TMEM79: variants seen among roughly 807,000 people sequenced by gnomAD.
The protein encoded by TMEM79 is mattrin.
TMEM79 carries 30 observed loss-of-function variants against 31.2 expected under a neutral mutation model. The ratio of observed to expected loss-of-function variants is 0.96; its 90% CI spans 0.72 to 1.30. The LOEUF is 1.30. Ranked by LOEUF, TMEM79 falls within the 50% of genes most tolerant of loss-of-function variation. The pLI is 0.00. For synonymous variants in TMEM79, 213 were observed against 229.5 expected (o/e 0.93, Z 0.65); for missense variants, 509 against 528.2 (o/e 0.96, Z 0.36).
intron 1 of TMEM79, among the ~76,000 whole-genome samples, chr1:156,284,794 G>A (rs570652353): frequency 2.0e-5 from 3 of 152,306 alleles, no homozygotes; most frequent in African/African-American, 7.2e-5. Context: ...AAGATCCTCA[G>A]TGGGAAAGAA....
rs374038301 is a variant in TMEM79 at position 156,291,558 on chromosome 1, C to T, written c.1145C>T (p.Ala382Val). The change falls in exon 4 of 4, where the codon GCC becomes GTC. Residue 382 changes from alanine to valine, a missense_variant. Physicochemically the swap from Ala to Val is moderately conservative, Grantham distance 64. Coordinates refer to ENST00000405535, the MANE Select transcript of TMEM79 (RefSeq NM_032323.3). ...AGCCGCCTGGACTACCCGGACCACGCCCGCTCGGCCTCCGACTACAGGCCC... is the reference window on the plus strand; with the variant it reads ...AGCCGCCTGGACTACCCGGACCACGTCCGCTCGGCCTCCGACTACAGGCCC... ...TESRLDYPDH[A>V]RSASDYRPRP... The T allele has an allele frequency of 1.5e-4, 243 of 1,610,738 alleles. No homozygotes were observed. Among genetic ancestry groups the T allele is most frequent in the Non-Finnish European group, 2.0e-4 (234 of 1,180,008 alleles).
At position 156,285,999 on chromosome 1, in the gene TMEM79, G is replaced by C. The variant is rs756887670; in HGVS notation, c.757+16G>C. 1 of 1,586,870 alleles carries C rather than the reference G, an allele frequency of 6.3e-7. No homozygotes were observed. Among genetic ancestry groups the C allele is most frequent in the Admixed American group, 1.7e-5 (1 of 57,862 alleles). On this transcript the variant is annotated intron_variant, in intron 2 of 3. Coordinates refer to ENST00000405535, the MANE Select transcript of TMEM79 (RefSeq NM_032323.3). ...ATTGTGCTGGGTGAGCCTGTGAGAA[G>C]AAAGGGGGCATCGGGAAGTGGACTT...
intron 3 of TMEM79, among the ~76,000 whole-genome samples, chr1:156,288,335 T>A (rs1402510240): frequency 6.6e-6 from 1 of 151,800 alleles, no homozygotes; most frequent in East Asian, 1.9e-4. Context: ...TGTTACTTTT[T>A]TTTTCTTTTT....
In TMEM79 at chr1:156,285,362, T is replaced by G. The variant is rs1221131317; in HGVS notation, c.136T>G (p.Ser46Ala). 6.3e-7 allele frequency: 1 copy of G among 1,575,944 alleles called. No individual in the cohort carries two copies. The highest frequency in any genetic ancestry group is 8.6e-7 in the Non-Finnish European group (1 of 1,161,792). ...EGGAESPGAE[S>A]LRVGSSAGSP... ...TGGGGCCGAATCCCCGGGAGCTGAG[T>G]CCCTCAGAGTGGGGTCTTCAGCTGG... The change falls in exon 2 of 4, where the codon TCC becomes GCC. Residue 46 changes from serine to alanine, a missense_variant. Coordinates refer to ENST00000405535, the MANE Select transcript of TMEM79 (RefSeq NM_032323.3).
In TMEM79 at chr1:156,285,149, G is replaced by A. The variant is rs2101586454; in HGVS notation, c.-43-35G>A. On this transcript the variant is annotated intron_variant, in intron 1 of 3. Transcript: ENST00000405535. ...ACCTGTCCTAATAACTAGAAGACAG[G>A]GGTTTCTGACAGAGCTTTCCTCTGT... The A allele has an allele frequency of 2.6e-5, 39 of 1,487,288 alleles. 1 individual carries two copies. Among genetic ancestry groups the A allele is most frequent in the South Asian group, 4.3e-5 (3 of 69,588 alleles). 92.1% of individuals were successfully genotyped at this position (1,487,288 alleles called of 1,614,324 possible).
At chr1:156,289,192 G>C in intron 3 of TMEM79, among the ~76,000 whole-genome samples, 1 of 152,168 alleles carries the variant, frequency 6.6e-6, no homozygotes, top group East Asian at 1.9e-4. Context: ...CTAGTACTTG[G>C]TGCCAGGCGT....
chr1:156,286,036 G>A, intron 2 of TMEM79, 53 bp downstream of exon 2: 8 of 1,561,662 alleles, frequency 5.1e-6, no homozygotes, highest in Non-Finnish European at 6.9e-6. Flanking sequence ...AGGAGGGCAG[G>A]GCCTGGCTGG....
chr1:156,286,282 C>A lies in TMEM79; in HGVS notation c.780C>A (p.Ser260Arg), dbSNP rs763537677. Residue 260 changes from serine (S) to arginine (R), a missense_variant, in exon 3 of 4, where the codon AGC becomes AGA. Transcript: ENST00000405535. ...CAGGGATCCTGGTGTACGGGCTGAG[C>A]CTGTTATGCTTTTCTGCCCTTCGGC... ...IVLGILVYGL[S>R]LLCFSALRPF... 1.2e-6 allele frequency: 2 copies of A among 1,614,206 alleles called. No homozygotes were observed. Among genetic ancestry groups the A allele is most frequent in the South Asian group, 2.2e-5 (2 of 91,086 alleles).
At position 156,285,674 on chromosome 1, in the gene TMEM79, G is replaced by A; in HGVS notation, c.448G>A (p.Glu150Lys). 1 of 1,613,804 alleles carries A rather than the reference G, an allele frequency of 6.2e-7. No individual in the cohort carries two copies. The change falls in exon 2 of 4, where the codon GAG becomes AAG. Residue 150 changes from glutamate to lysine, a missense_variant. Transcript: ENST00000405535. ...QPQEDLIVRC[E>K]AGEGECRTFM... ...CCAAGAAGACCTTATCGTGCGCTGT[G>A]AGGCAGGCGAGGGCGAGTGCCGAAC...
intron 1 of TMEM79, 137 bp from the exon 2 acceptor site, chr1:156,285,047 T>C (rs1039959088): frequency 3.9e-5 from 23 of 587,192 alleles, no homozygotes; most frequent in Non-Finnish European, 6.2e-5. Flanking sequence ...TCTTCCTCTG[T>C]ACCACGTTCT....
In TMEM79 at chr1:156,286,383, A is replaced by C. The variant is rs1340447124; in HGVS notation, c.881A>C (p.Tyr294Ser). 1 of 1,613,988 alleles carries C rather than the reference A, an allele frequency of 6.2e-7. No homozygotes were observed. The change falls in exon 3 of 4, where the codon TAC (tyrosine) becomes TCC (serine). Residue 294 changes from tyrosine to serine, a missense_variant. Physicochemically the swap from Tyr to Ser is moderately radical, Grantham distance 144 (BLOSUM62 -2). Coordinates refer to ENST00000405535, the MANE Select transcript of TMEM79 (RefSeq NM_032323.3). ...VAQSVQLFIL[Y>S]FFNLAVLSTY... The stretch of plus-strand genomic sequence containing the variant: ...CAGTCGGTCCAGCTCTTTATTCTCT[A>C]CTTCTTCAACCTGGCCGTGCTTTCC...
At chr1:156,291,214 C>G (rs956040714) in intron 3 of TMEM79, 171 bp from the exon 4 acceptor site, 7 of 604,356 alleles carry the variant, frequency 1.2e-5, no homozygotes, top group Middle Eastern at 4.2e-4. Context: ...TAGTAATTAG[C>G]GCTGTGCCTA....
In TMEM79 at chr1:156,285,560, G is replaced by A. The variant is rs1281524695; in HGVS notation, c.334G>A (p.Glu112Lys). ...PESEPLTKLE[E>K]LPEDDANLLP... ...GTCAGAACCACTTACCAAGCTAGAG[G>A]AGCTGCCCGAAGACGATGCCAACCT... The change falls in exon 2 of 4, where the codon GAG (glutamate) becomes AAG (lysine). Residue 112 changes from glutamate (E) to lysine (K), a missense_variant. Transcript: ENST00000405535. The A allele has an allele frequency of 1.2e-6, 2 of 1,614,226 alleles. No individual in the cohort carries two copies. Among genetic ancestry groups the A allele is most frequent in the East Asian group, 2.2e-5 (1 of 44,892 alleles).
chr1:156,285,601 G>T lies in TMEM79; in HGVS notation c.375G>T (p.Ala125=). Residue 125 remains alanine, a synonymous_variant, in exon 2 of 4, where the codon GCG becomes GCT. Coordinates refer to ENST00000405535, the MANE Select transcript of TMEM79 (RefSeq NM_032323.3). The part of the protein sequence containing the change: ...EDDANLLPEK[A]ARAFVPIDLQ... ...ATGCCAACCTGCTGCCTGAGAAAGC[G>T]GCCCGTGCCTTCGTGCCTATTGACC... is the stretch of plus-strand genomic sequence containing the variant. The T allele has an allele frequency of 1.2e-6, 2 of 1,614,214 alleles. No homozygotes were observed. The highest frequency in any genetic ancestry group is 1.7e-6 in the Non-Finnish European group (2 of 1,180,048).
At chr1:156,290,470 G>C (rs1016701077) in intron 3 of TMEM79, 30 of 151,574 alleles carry the variant, frequency 2.0e-4, no homozygotes, top group African/African-American at 7.3e-4. Flanking sequence ...TGGGAGGACT[G>C]CCTGAGCTCA....
rs1279739141 is a variant in TMEM79, at chr1:156,285,288, G to A, written c.62G>A (p.Ser21Asn). 4 of 1,573,322 alleles carry A rather than the reference G, an allele frequency of 2.5e-6. No homozygotes were observed. The highest frequency in any genetic ancestry group is 2.2e-5 in the East Asian group (1 of 44,702). Residue 21 changes from serine to asparagine, a missense_variant, in exon 2 of 4, where the codon AGC becomes AAC. Transcript: ENST00000405535. ...EVKRSDSPEK[S>N]SPQALVPNGR... Reference sequence around the variant, plus strand: ...AAGAGGTCTGATTCCCCAGAGAAGAGCTCACCCCAGGCCTTGGTTCCCAAT... The same window carrying A: ...AAGAGGTCTGATTCCCCAGAGAAGAACTCACCCCAGGCCTTGGTTCCCAAT...
chr1:156,290,538 T>TA (rs10632517), intron 3 of TMEM79: 106,195 of 139,014 alleles, frequency 0.76, 40,587 homozygotes, highest in Non-Finnish European at 0.78. Context: ...ATCTATAATT[T>TA]AAAAAAAAAA....
Position 156,291,736 on chromosome 1 carries a change from C to T in TMEM79, c.*138C>T. 1 of 723,364 alleles carries T rather than the reference C, an allele frequency of 1.4e-6. No homozygotes were observed. 44.8% of individuals were successfully genotyped at this position (723,364 alleles called of 1,614,324 possible). A position where few individuals can be genotyped will look rare whatever the true frequency, so the allele number is the denominator to read the frequency against. On this transcript the variant is annotated 3_prime_UTR_variant, in exon 4 of 4. Transcript: ENST00000405535. ...AACCCTGCTACTGCCCCAACAGGGACTCCAATCAATCGGAGTTCTCCCCTT... is the reference window on the plus strand; with the variant it reads ...AACCCTGCTACTGCCCCAACAGGGATTCCAATCAATCGGAGTTCTCCCCTT...
intron 3 of TMEM79, among the ~76,000 whole-genome samples, chr1:156,289,150 T>C (rs1369663698): frequency 6.6e-6 from 1 of 152,228 alleles, no homozygotes; most frequent in African/African-American, 2.4e-5. Context: ...GAGGATTAAA[T>C]GAGTTAATTC....
Sources: gnomAD v4.1 joint callset for allele counts (sites outside exome capture counted in the v4.1 genomes callset) on GRCh38, gnomAD v4.1.1 for gene constraint, MANE v1.5 for transcripts, NCBI Gene and HGNC (gene_info 2026-07-23, HGNC 2026-07-21) for gene names.